RALGAPA2: variants seen among roughly 807,000 people sequenced by gnomAD.
RALGAPA2 encodes the protein Ral GTPase activating protein catalytic subunit alpha 2.
RALGAPA2 carries 139 observed loss-of-function variants against 230.4 expected under a neutral mutation model. That is an observed-to-expected ratio of 0.60 (90% CI 0.53 to 0.69). The LOEUF (loss-of-function observed/expected upper bound fraction) is 0.69. Among genes scored for constraint, RALGAPA2 ranks in the 30% least tolerant of loss-of-function variants. RALGAPA2 has a pLI of 0.00. For missense variants in RALGAPA2, 2,163 were observed against 2,276.0 expected, an observed-to-expected ratio of 0.95 and a Z score of 1.01; for synonymous variants, 847 against 837.8, an observed-to-expected ratio of 1.01 and a Z score of -0.19.
rs993381248 is a variant in RALGAPA2, at chr20:20,568,306, C to T, written c.3156+3152G>A. Among the ~76,000 whole-genome samples, 19 of 151,914 alleles carry T rather than the reference C, an allele frequency of 1.3e-4. 1 individual carries two copies. The highest frequency in any genetic ancestry group is 4.4e-4 in the African/African-American group (18 of 41,344). ...CCACGAACCCATGTTACATATGTAC[C>T]GGGGGAAATACTACTTGATAAATTC... On this transcript the variant is annotated intron_variant, in intron 23 of 39. Coordinates refer to ENST00000202677, the MANE Select transcript of RALGAPA2 (RefSeq NM_020343.4).
chr20:20,552,883 C>A (rs1377270105), intron 23 of RALGAPA2, among the ~76,000 whole-genome samples: 1 of 152,094 alleles, frequency 6.6e-6, no homozygotes, highest in Admixed American at 6.6e-5. Flanking sequence ...ACTTTACATA[C>A]TACAAGCTGC....
chr20:20,670,272 G>A (rs2146744062), intron 3 of RALGAPA2, among the ~76,000 whole-genome samples: 1 of 152,368 alleles, frequency 6.6e-6, no homozygotes, highest in South Asian at 2.1e-4. Flanking sequence ...ATGGAATACA[G>A]CTTAGAAAGA....
chr20:20,546,882 T>C, intron 23 of RALGAPA2, 50 bp from the exon 24 acceptor site: 1 of 1,517,010 alleles, frequency 6.6e-7, no homozygotes. Flanking sequence ...AAACACAAAA[T>C]TCCAAAGTAG....
At chr20:20,578,190 T>C (rs961194874) in intron 20 of RALGAPA2, among the ~76,000 whole-genome samples, 6 of 152,120 alleles carry the variant, frequency 3.9e-5, no homozygotes, top group Admixed American at 2.6e-4. Flanking sequence ...AAAATGTTAA[T>C]GAGTTGAAAT....
At chr20:20,590,331 C>T (rs956586225) in intron 17 of RALGAPA2, among the ~76,000 whole-genome samples, 1 of 152,104 alleles carries the variant, frequency 6.6e-6, no homozygotes, top group East Asian at 1.9e-4. Flanking sequence ...AAGCCTTATA[C>T]AAAACCTTTC....
chr20:20,536,523 C>T, intron 25 of RALGAPA2, 133 bp downstream of exon 25: 1 of 1,018,422 alleles, frequency 9.8e-7, no homozygotes, highest in South Asian at 1.7e-5. Context: ...CTAGAAACAA[C>T]TACTGAAACA....
At chr20:20,474,611 G>A (rs2061610480) in intron 36 of RALGAPA2, among the ~76,000 whole-genome samples, 1 of 152,206 alleles carries the variant, frequency 6.6e-6, no homozygotes, top group South Asian at 2.1e-4. Flanking sequence ...GAGTTGTCAG[G>A]ATTTGTTGAG....
chr20:20,691,358 C>T (rs936504790), intron 1 of RALGAPA2, among the ~76,000 whole-genome samples: 5 of 152,148 alleles, frequency 3.3e-5, no homozygotes, highest in Admixed American at 2.0e-4. Flanking sequence ...CTCTTTCTCC[C>T]TCTAACGTAT....
intron 6 of RALGAPA2, 64 bp from the exon 7 acceptor site, chr20:20,639,964 T>A: frequency 7.9e-7 from 1 of 1,263,252 alleles, no homozygotes; most frequent in Non-Finnish European, 1.2e-6. Context: ...GAATTTAGGG[T>A]TTTAAAAATG....
In RALGAPA2 at chr20:20,427,100, A is replaced by G. The variant is rs538349240; in HGVS notation, c.5496-14952T>C. On this transcript the variant is annotated intron_variant, in intron 37 of 39. Transcript: ENST00000202677. ...GCCTCTTATGATCAGAATTCTCCCA[A>G]CAAGAGAAAAGACTAGTGAGGCCAA... is the stretch of plus-strand genomic sequence containing the variant. 1.1e-4 allele frequency among the ~76,000 whole-genome samples: 16 copies of G among 152,226 alleles called. No individual in the cohort carries two copies. The East Asian group carries it at 2.7e-3, about 26-fold the overall frequency.
At chr20:20,543,146 G>A (rs2063693912) in intron 24 of RALGAPA2, among the ~76,000 whole-genome samples, 1 of 152,074 alleles carries the variant, frequency 6.6e-6, no homozygotes, top group Non-Finnish European at 1.5e-5. Context: ...CCAGGTTCAA[G>A]CGATTCTCCT....
chr20:20,623,572 A>C (rs533306205), intron 10 of RALGAPA2, among the ~76,000 whole-genome samples: 11 of 152,162 alleles, frequency 7.2e-5, no homozygotes, highest in African/African-American at 2.6e-4. Context: ...CTAAGCAAAA[A>C]AATAATGCAG....
chr20:20,531,716 C>T lies in RALGAPA2; in HGVS notation c.3553G>A (p.Ala1185Thr), dbSNP rs1399238479. ...AGAGTTACTCCTATCACATTGATGG[C>T]CTCTTTCACCTGAGGGTGGCTTGTA... ...QCTSHPQVKE[A>T]INVIGVTLKF... Residue 1185 changes from alanine to threonine, a missense_variant, in exon 27 of 40, where the codon GCC (alanine) becomes ACC (threonine). Ala to Thr is a moderately conservative substitution (Grantham distance 58). Transcript: ENST00000202677. 6.2e-7 allele frequency: 1 copy of T among 1,607,578 alleles called. No individual in the cohort carries two copies. Among genetic ancestry groups the T allele is most frequent in the Non-Finnish European group, 8.5e-7 (1 of 1,176,724 alleles).
intron 34 of RALGAPA2, 168 bp downstream of exon 34, chr20:20,505,243 C>T: frequency 1.1e-6 from 1 of 926,396 alleles, no homozygotes; most frequent in Non-Finnish European, 1.3e-6. Context: ...GTATTAAATA[C>T]TGACAAGCAA....
intron 37 of RALGAPA2, among the ~76,000 whole-genome samples, chr20:20,456,806 T>C (rs1229563316): frequency 6.6e-6 from 1 of 152,042 alleles, no homozygotes; most frequent in African/African-American, 2.4e-5. Flanking sequence ...ATTTTGCCTT[T>C]AAACATTTCT....
chr20:20,479,881 T>C (rs1414789875), intron 36 of RALGAPA2, among the ~76,000 whole-genome samples: 14 of 152,218 alleles, frequency 9.2e-5, no homozygotes, highest in Admixed American at 6.5e-5. Context: ...ACATAATCTA[T>C]GGCAAATGGT....
At position 20,396,796 on chromosome 20, in the gene RALGAPA2, G is replaced by A. The variant is rs939687569; in HGVS notation, c.5618-62C>T. On this transcript the variant is annotated intron_variant, in intron 38 of 39. Transcript: ENST00000202677. ...CACAACACCCCCACAGCTCCAACTT[G>A]ATAACTAACACAGTGCTAATAATAC... 9 of 1,342,152 alleles carry A rather than the reference G, an allele frequency of 6.7e-6. No individual in the cohort carries two copies. In the East Asian group the frequency reaches 9.2e-5, roughly 14 times the overall value. 83.1% of individuals were successfully genotyped at this position (1,342,152 alleles called of 1,614,324 possible). A position where few individuals can be genotyped will look rare whatever the true frequency, so the allele number is the denominator to read the frequency against.
At chr20:20,434,704 T>C (rs1052143265) in intron 37 of RALGAPA2, among the ~76,000 whole-genome samples, 1 of 152,086 alleles carries the variant, frequency 6.6e-6, no homozygotes, top group East Asian at 1.9e-4. Context: ...AGGAAGCTGA[T>C]GCAGGAGTAT....
At chr20:20,702,103 A>T (rs1336889671) in intron 1 of RALGAPA2, among the ~76,000 whole-genome samples, 1 of 152,148 alleles carries the variant, frequency 6.6e-6, no homozygotes, top group Non-Finnish European at 1.5e-5. Context: ...GCCAAAGGCC[A>T]TTAATACCAA....
Sources: gnomAD v4.1 joint callset for allele counts (sites outside exome capture counted in the v4.1 genomes callset) on GRCh38, gnomAD v4.1.1 for gene constraint, MANE v1.5 for transcripts, NCBI Gene and HGNC (gene_info 2026-07-23, HGNC 2026-07-21) for gene names.